ENPP6: variants seen among roughly 807,000 people sequenced by gnomAD.
The protein encoded by ENPP6 is ectonucleotide pyrophosphatase/phosphodiesterase 6.
Under a neutral mutation model 42.0 loss-of-function variants are expected in ENPP6, and 32 were observed. The ratio of observed to expected loss-of-function variants is 0.76; its 90% CI spans 0.58 to 1.02. The LOEUF (loss-of-function observed/expected upper bound fraction) is 1.02, where lower values mean the gene tolerates loss of function less well. Among genes scored for constraint, ENPP6 ranks in the 50% least tolerant of loss-of-function variants. The probability of loss-of-function intolerance (pLI) is 0.00; values close to 1 mark genes in which losing one functional copy is unlikely to be tolerated. For synonymous variants in ENPP6, 213 were observed against 216.0 expected (o/e 0.99, Z 0.12); for missense variants, 552 against 566.8 (o/e 0.97, Z 0.27).
chr4:184,146,553 A>G (rs1049323749), intron 2 of ENPP6, among the ~76,000 whole-genome samples: 9 of 152,256 alleles, frequency 5.9e-5, no homozygotes, highest in Non-Finnish European at 8.8e-5. Context: ...AAGAAATGAA[A>G]TAGCCGCAAA....
At chr4:184,134,098 G>A (rs1330501530) in intron 2 of ENPP6, among the ~76,000 whole-genome samples, 1 of 150,588 alleles carries the variant, frequency 6.6e-6, no homozygotes, top group Non-Finnish European at 1.5e-5. Context: ...TCACATTTTT[G>A]TATCAAGATT....
At chr4:184,186,948 C>T (rs184939457) in intron 1 of ENPP6, among the ~76,000 whole-genome samples, 7 of 152,298 alleles carry the variant, frequency 4.6e-5, no homozygotes, top group East Asian at 1.9e-4. Context: ...CCAAAGTCTG[C>T]GCCACGACCT....
At chr4:184,123,874 AATG>A (rs1736458542) in intron 3 of ENPP6, among the ~76,000 whole-genome samples, 1 of 152,168 alleles carries the variant, frequency 6.6e-6, no homozygotes, top group Non-Finnish European at 1.5e-5. Flanking sequence ...TGCTTAGGGA[AATG>A]ATGACATTTA....
At chr4:184,150,495 C>T (rs1220158048) in intron 2 of ENPP6, among the ~76,000 whole-genome samples, 1 of 152,040 alleles carries the variant, frequency 6.6e-6, no homozygotes, top group Admixed American at 6.5e-5. Context: ...TGAAGAAATG[C>T]CCCTGCGCCT....
At chr4:184,149,730 G>T (rs1382595066) in intron 2 of ENPP6, among the ~76,000 whole-genome samples, 1 of 152,120 alleles carries the variant, frequency 6.6e-6, no homozygotes. Flanking sequence ...ACTCTTAAAA[G>T]GTTGCTATTT....
chr4:184,207,443 A>T (rs1325836891), intron 1 of ENPP6, among the ~76,000 whole-genome samples: 1 of 152,204 alleles, frequency 6.6e-6, no homozygotes, highest in Non-Finnish European at 1.5e-5. Context: ...GTTAAACTCC[A>T]CTTCAGTCAA....
chr4:184,094,468 C>A (rs541973177), intron 7 of ENPP6, among the ~76,000 whole-genome samples: 18 of 152,320 alleles, frequency 1.2e-4, no homozygotes, highest in African/African-American at 4.3e-4. Context: ...CCTCCTGCTG[C>A]GCAGGGATAG....
chr4:184,117,322 G>T (rs906904368), intron 4 of ENPP6, among the ~76,000 whole-genome samples: 1 of 152,222 alleles, frequency 6.6e-6, no homozygotes, highest in African/African-American at 2.4e-5. Flanking sequence ...ACAAATTTGT[G>T]TGCTGGTTTG....
intron 1 of ENPP6, among the ~76,000 whole-genome samples, chr4:184,179,896 C>G (rs1732524603): frequency 6.6e-6 from 1 of 151,730 alleles, no homozygotes; most frequent in South Asian, 2.1e-4. Context: ...ATTTATAGCA[C>G]TGAATGGCCA....
At chr4:184,169,430 G>A (rs1341746025) in intron 1 of ENPP6, among the ~76,000 whole-genome samples, 1 of 152,210 alleles carries the variant, frequency 6.6e-6, no homozygotes, top group Non-Finnish European at 1.5e-5. Flanking sequence ...AGGGGAGGGT[G>A]AGTTCTGCTC....
chr4:184,156,098 C>A (rs190761386), intron 1 of ENPP6, among the ~76,000 whole-genome samples: 1 of 152,124 alleles, frequency 6.6e-6, no homozygotes, highest in East Asian at 1.9e-4. Flanking sequence ...TAAGGTGGAG[C>A]GCTTTCAAGA....
At chr4:184,128,355 A>G (rs1736539089) in intron 2 of ENPP6, among the ~76,000 whole-genome samples, 1 of 151,978 alleles carries the variant, frequency 6.6e-6, no homozygotes, top group Non-Finnish European at 1.5e-5. Context: ...TAATTTTTGT[A>G]TTTTTAGTAG....
chr4:184,211,054 A>G (rs1214667280), intron 1 of ENPP6, among the ~76,000 whole-genome samples: 2 of 151,040 alleles, frequency 1.3e-5, no homozygotes, highest in Non-Finnish European at 3.0e-5. Flanking sequence ...ACAAAGACAC[A>G]ACATACCAGA....
At chr4:184,138,362 A>G (rs1736765230) in intron 2 of ENPP6, among the ~76,000 whole-genome samples, 1 of 152,252 alleles carries the variant, frequency 6.6e-6, no homozygotes, top group African/African-American at 2.4e-5. Context: ...ATTTGAAAAC[A>G]ACATTTCAGC....
At position 184,090,286 on chromosome 4, in the gene ENPP6, A is replaced by G. The variant is rs959635929; in HGVS notation, c.*891T>C. On this transcript the variant is annotated 3_prime_UTR_variant, in exon 8 of 8. Coordinates refer to ENST00000296741, the MANE Select transcript of ENPP6 (RefSeq NM_153343.4). Reference sequence around the variant, plus strand: ...CATGTCAGGGATTGCTCTTGTCTGCACCCTATATTGGGAGCCACAGAGTGG... The same window carrying G: ...CATGTCAGGGATTGCTCTTGTCTGCGCCCTATATTGGGAGCCACAGAGTGG... The G allele has an allele frequency of 6.6e-6, 1 of 152,144 alleles. No individual in the cohort carries two copies. The highest frequency in any genetic ancestry group is 1.5e-5 in the Non-Finnish European group (1 of 68,050). The allele number at this position is 152,144 out of a possible 1,614,324, so 9.4% of individuals were successfully genotyped here. A position where few individuals can be genotyped will look rare whatever the true frequency, so the allele number is the denominator to read the frequency against.
chr4:184,146,786 A>AC (rs1204101125), intron 2 of ENPP6, among the ~76,000 whole-genome samples: 5 of 151,230 alleles, frequency 3.3e-5, no homozygotes, highest in Admixed American at 3.3e-4. Flanking sequence ...GAGTGATACT[A>AC]CCTCCCCTTG....
At chr4:184,117,173 G>T in intron 4 of ENPP6, 138 bp from the exon 5 acceptor site, 1 of 1,071,736 alleles carries the variant, frequency 9.3e-7, no homozygotes, top group Non-Finnish European at 1.3e-6. Context: ...TTGCCCTGGT[G>T]AGACCCAGTT....
At position 184,215,393 on chromosome 4, in the gene ENPP6, T is replaced by A. The variant is rs532147444; in HGVS notation, c.241+2186A>T. Among the ~76,000 whole-genome samples, 104 of 152,314 alleles carry A rather than the reference T, an allele frequency of 6.8e-4. No individual in the cohort carries two copies. The Middle Eastern group carries it at 0.014, about 20-fold the overall frequency. On this transcript the variant is annotated intron_variant, in intron 1 of 7. Coordinates refer to ENST00000296741, the MANE Select transcript of ENPP6 (RefSeq NM_153343.4). ...AATTCCCAATGGCTATATCCTTCTT[T>A]ATATGAGTAAAAGAGGAGGTTTTCA...
chr4:184,193,233 C>A (rs545499989), intron 1 of ENPP6, among the ~76,000 whole-genome samples: 1 of 152,150 alleles, frequency 6.6e-6, no homozygotes, highest in Non-Finnish European at 1.5e-5. Flanking sequence ...TGGAAACAAC[C>A]CAAATGTTCA....
Sources: allele counts gnomAD v4.1 joint callset (sites outside exome capture counted in the v4.1 genomes callset), GRCh38; gene constraint gnomAD v4.1.1; transcripts MANE v1.5; gene names NCBI Gene and HGNC (gene_info 2026-07-23, HGNC 2026-07-21).